Variants in KSR2 observed in about 807,000 individuals in gnomAD.
The protein encoded by KSR2 is kinase suppressor of ras 2.
In KSR2, 25 loss-of-function variants were observed where a neutral mutation model predicts 107.8. The observed-to-expected ratio is 0.23, with a 90% CI of 0.17 to 0.32. The LOEUF (loss-of-function observed/expected upper bound fraction) is 0.32, where lower values mean the gene tolerates loss of function less well. KSR2 is among the 10% of genes least tolerant of loss of function. The probability of loss-of-function intolerance (pLI) is 1.00; values close to 1 mark genes in which losing one functional copy is unlikely to be tolerated. For synonymous variants in KSR2, 480 were observed against 507.0 expected (o/e 0.95, Z 0.71); for missense variants, 887 against 1,268.9 (o/e 0.70, Z 4.57).
chr12:117,776,672 G>A (rs140029126), intron 3 of KSR2, among the ~76,000 whole-genome samples: 1 of 152,178 alleles, frequency 6.6e-6, no homozygotes, highest in African/African-American at 2.4e-5. Context: ...TAATATGGAT[G>A]TTAGGGCAGG....
intron 3 of KSR2, among the ~76,000 whole-genome samples, chr12:117,793,921 CACACACACCAT>C (rs1890432605): frequency 7.1e-6 from 1 of 141,522 alleles, no homozygotes; most frequent in African/African-American, 2.7e-5. Flanking sequence ...CACCAACATG[CACACACACCAT>C]GCACACATAC....
At chr12:117,768,517 G>C (rs896472278) in intron 3 of KSR2, among the ~76,000 whole-genome samples, 2 of 152,154 alleles carry the variant, frequency 1.3e-5, no homozygotes, top group African/African-American at 2.4e-5. Flanking sequence ...CCGTCCTTGC[G>C]GCTCAACAGG....
chr12:117,514,877 C>A (rs1363281060), intron 14 of KSR2, among the ~76,000 whole-genome samples: 2 of 152,068 alleles, frequency 1.3e-5, no homozygotes, highest in Non-Finnish European at 2.9e-5. Flanking sequence ...TCTCTTGCTA[C>A]TCCCCGTATA....
intron 3 of KSR2, among the ~76,000 whole-genome samples, chr12:117,796,347 G>A (rs1198371523): frequency 6.6e-6 from 1 of 152,212 alleles, no homozygotes; most frequent in African/African-American, 2.4e-5. Flanking sequence ...TGCCTAGTAA[G>A]GTGATGGTGA....
intron 14 of KSR2, among the ~76,000 whole-genome samples, chr12:117,523,136 C>T (rs766954403): frequency 6.6e-6 from 1 of 152,210 alleles, no homozygotes; most frequent in Non-Finnish European, 1.5e-5. Context: ...AGTCAACCCA[C>T]CATCTGCATC....
At position 117,488,145 on chromosome 12, in the gene KSR2, C is replaced by G. The variant is rs146406470; in HGVS notation, c.2220-2454G>C. 2.0e-5 allele frequency among the ~76,000 whole-genome samples: 3 copies of G among 152,118 alleles called. No homozygotes were observed. The East Asian group carries it at 5.8e-4, about 29-fold the overall frequency. ...CCATGTAAGACGTGCCTTTGTTTCC[C>G]CTTTGCCTCCCATCATAATTGTGAG... is the stretch of plus-strand genomic sequence containing the variant. On this transcript the variant is annotated intron_variant, in intron 14 of 19. Coordinates refer to ENST00000339824, the MANE Select transcript of KSR2 (RefSeq NM_173598.6).
intron 1 of KSR2, among the ~76,000 whole-genome samples, chr12:117,931,213 A>C (rs1454188423): frequency 6.6e-6 from 1 of 152,160 alleles, no homozygotes; most frequent in Non-Finnish European, 1.5e-5. Flanking sequence ...AACCAAAAAG[A>C]AGCAAGCATA....
At chr12:117,476,001 C>T (rs1184709469) in intron 17 of KSR2, among the ~76,000 whole-genome samples, 1 of 152,190 alleles carries the variant, frequency 6.6e-6, no homozygotes, top group Admixed American at 6.5e-5. Flanking sequence ...GCAGCCCTAG[C>T]CAATATCTTG....
intron 7 of KSR2, among the ~76,000 whole-genome samples, chr12:117,575,963 G>T (rs1879260435): frequency 6.6e-6 from 1 of 152,162 alleles, no homozygotes; most frequent in Admixed American, 6.5e-5. Context: ...TAGTAATGGA[G>T]CTGGGACCCA....
At chr12:117,567,132 T>G (rs1341411521) in intron 7 of KSR2, among the ~76,000 whole-genome samples, 3 of 152,098 alleles carry the variant, frequency 2.0e-5, no homozygotes, top group Non-Finnish European at 2.9e-5. Context: ...GGCAGGTAAA[T>G]AGACAAATAA....
At chr12:117,574,191 CTG>C (rs145528245) in intron 7 of KSR2, among the ~76,000 whole-genome samples, 4,023 of 145,478 alleles carry the variant, frequency 0.028, 130 homozygotes, top group East Asian at 0.16. Flanking sequence ...GCCCAGAAAA[CTG>C]TTTTTTTTTT....
intron 1 of KSR2, among the ~76,000 whole-genome samples, chr12:117,868,506 T>G (rs1231303752): frequency 1.3e-5 from 2 of 152,062 alleles, no homozygotes; most frequent in African/African-American, 4.8e-5. Context: ...AGGCCCATGC[T>G]GAAGGTCACA....
chr12:117,857,262 G>T (rs2137232464), intron 2 of KSR2, among the ~76,000 whole-genome samples: 1 of 152,228 alleles, frequency 6.6e-6, no homozygotes, highest in South Asian at 2.1e-4. Context: ...ATCTCACTAT[G>T]TTGCCCAGGC....
intron 4 of KSR2, among the ~76,000 whole-genome samples, chr12:117,704,987 C>T (rs1023194293): frequency 4.6e-5 from 7 of 152,086 alleles, no homozygotes; most frequent in Admixed American, 6.5e-5. Flanking sequence ...TTTATTCAGT[C>T]GCCTGCCCCA....
chr12:117,924,045 A>G (rs1420039435), intron 1 of KSR2, among the ~76,000 whole-genome samples: 1 of 150,998 alleles, frequency 6.6e-6, no homozygotes, highest in Non-Finnish European at 1.5e-5. Context: ...CGCCTGGCTA[A>G]TTTTGTATTC....
At chr12:117,620,545 C>A (rs1475487816) in intron 5 of KSR2, among the ~76,000 whole-genome samples, 1 of 152,158 alleles carries the variant, frequency 6.6e-6, no homozygotes, top group Non-Finnish European at 1.5e-5. Context: ...GTACATGCAG[C>A]ACAAATAGTT....
intron 3 of KSR2, among the ~76,000 whole-genome samples, chr12:117,778,403 G>A (rs955935622): frequency 6.6e-6 from 1 of 152,116 alleles, no homozygotes; most frequent in African/African-American, 2.4e-5. Flanking sequence ...AACAATCCTT[G>A]AACAGTCATA....
intron 14 of KSR2, among the ~76,000 whole-genome samples, chr12:117,510,877 CAA>C (rs58668449): frequency 0.38 from 39,302 of 103,060 alleles, 5,429 homozygotes; most frequent in South Asian, 0.54. Flanking sequence ...GACCCTGTCT[CAA>C]AAAAAAAAAA....
At chr12:117,933,629 T>A (rs985754840) in intron 1 of KSR2, among the ~76,000 whole-genome samples, 1 of 152,104 alleles carries the variant, frequency 6.6e-6, no homozygotes, top group Non-Finnish European at 1.5e-5. Context: ...TATCTGAAAT[T>A]CAAATTTAAA....
Sources: allele counts gnomAD v4.1 joint callset (sites outside exome capture counted in the v4.1 genomes callset), GRCh38; gene constraint gnomAD v4.1.1; transcripts MANE v1.5; gene names NCBI Gene and HGNC (gene_info 2026-07-23, HGNC 2026-07-21).